Variants in OSBPL3 observed in about 807,000 individuals in gnomAD.
OSBPL3 encodes the protein oxysterol binding protein like 3, also known as oxysterol-binding protein-related protein 3.
In OSBPL3, 65 loss-of-function variants were observed where a neutral mutation model predicts 120.1. The observed-to-expected ratio is 0.54, with a 90% CI of 0.44 to 0.67. The LOEUF (loss-of-function observed/expected upper bound fraction) is 0.67, where lower values mean the gene tolerates loss of function less well. Among genes scored for constraint, OSBPL3 ranks in the 30% least tolerant of loss-of-function variants. The pLI is 0.00. For synonymous variants in OSBPL3, 416 were observed against 402.6 expected, an observed-to-expected ratio of 1.03 and a Z score of -0.40; for missense variants, 1,004 against 1,082.1, an observed-to-expected ratio of 0.93 and a Z score of 1.01.
rs724886 is a variant in OSBPL3 at position 24,922,720 on chromosome 7, T to C, written c.-149-30099A>G. Among the ~76,000 whole-genome samples, 450 of 152,260 alleles carry C rather than the reference T, an allele frequency of 3.0e-3. 2 individuals are homozygous for C. Among genetic ancestry groups the C allele is most frequent in the Middle Eastern group, 0.014 (4 of 294 alleles). On this transcript the variant is annotated intron_variant, in intron 1 of 22. Transcript: ENST00000313367. This position sits in a 1 kb window ranked among gnomAD's most constrained non-coding sequence, Gnocchi z 4.3. ...CTGACCACCTGCTTCACAGCCTTGC[T>C]ATGAACTCTGTTCTTTGCACGTAAT... is the stretch of plus-strand genomic sequence containing the variant.
At chr7:24,825,289 GA>G (rs1438258384) in intron 16 of OSBPL3, among the ~76,000 whole-genome samples, 1 of 152,196 alleles carries the variant, frequency 6.6e-6, no homozygotes, top group Non-Finnish European at 1.5e-5. Flanking sequence ...GCTGGCTGTA[GA>G]AGGAAGGCTT....
chr7:24,904,276 G>C (rs565167360), intron 1 of OSBPL3, among the ~76,000 whole-genome samples: 50 of 152,202 alleles, frequency 3.3e-4, no homozygotes, highest in African/African-American at 1.2e-3. Context: ...GACAGAAAAA[G>C]TACAGTTGAA....
chr7:24,820,204 G>A lies in OSBPL3; in HGVS notation c.1919C>T (p.Ala640Val). 1 of 1,612,478 alleles carries A rather than the reference G, an allele frequency of 6.2e-7. No individual in the cohort carries two copies. Among genetic ancestry groups the A allele is most frequent in the Non-Finnish European group, 8.5e-7 (1 of 1,178,892 alleles). The change falls in exon 17 of 23, where the codon GCT becomes GTT. Residue 640 changes from alanine to valine, a missense_variant. Ala to Val is a moderately conservative substitution (Grantham distance 64). Coordinates refer to ENST00000313367, the MANE Select transcript of OSBPL3 (RefSeq NM_015550.4). The surrounding 1 kb of genome is among the most constrained non-coding windows in gnomAD (Gnocchi z 4.6). The stretch of plus-strand genomic sequence containing the variant: ...CCAGAAAACAAAATTTCTAGACTCA[G>A]CATGACACGCAGAGATAGGCGGATG... ...SHHPPISACH[A>V]ESRNFVFWQD... is the part of the protein sequence containing the mutation.
chr7:24,806,829 T>G lies in OSBPL3; in HGVS notation c.2391A>C (p.Pro797=). ...TAGGTGGCAATAAAGACTTTGATGA[T>G]GGATCCATTTCATTTAATTCCAGCG... ...QFALELNEMD[P]SSKSLLPPTD... Residue 797 remains proline, a synonymous_variant, in exon 21 of 23, where the codon CCA becomes CCC. Coordinates refer to ENST00000313367, the MANE Select transcript of OSBPL3 (RefSeq NM_015550.4). This position sits in a 1 kb window ranked among gnomAD's most constrained non-coding sequence, Gnocchi z 5.2. 1.2e-6 allele frequency: 2 copies of G among 1,613,852 alleles called. No homozygotes were observed. Among genetic ancestry groups the G allele is most frequent in the Non-Finnish European group, 1.7e-6 (2 of 1,179,680 alleles).
In OSBPL3 at chr7:24,962,131, C is replaced by T. The variant is rs376755355; in HGVS notation, c.-150+17755G>A. Among the ~76,000 whole-genome samples the T allele has an allele frequency of 1.1e-3, 167 of 151,592 alleles. 4 individuals carry two copies. Among genetic ancestry groups the T allele is most frequent in the African/African-American group, 3.2e-3 (134 of 41,316 alleles). On this transcript the variant is annotated intron_variant, in intron 1 of 22. Transcript: ENST00000313367. Reference sequence around the variant, plus strand: ...CAGCCTGGCCAACATGGTGAAACACCATCTCTACTAATAATACAAAAATTA... The same window carrying T: ...CAGCCTGGCCAACATGGTGAAACACTATCTCTACTAATAATACAAAAATTA...
rs144600075 is a variant in OSBPL3, at chr7:24,979,741, G to A, written c.-150+145C>T. 5.8e-3 allele frequency: 1,855 copies of A among 321,530 alleles called. 44 individuals carry two copies. Among genetic ancestry groups the A allele is most frequent in the African/African-American group, 0.037 (1,641 of 44,836 alleles). The allele number at this position is 321,530 out of a possible 1,614,324, so 19.9% of individuals were successfully genotyped here. A position where few individuals can be genotyped will look rare whatever the true frequency, so the allele number is the denominator to read the frequency against. ...GCTCCCAGGCTTGGGTCTGCCCCAG[G>A]GCCGGAGCCTCCCCGGGCGACTCGG... is the stretch of plus-strand genomic sequence containing the variant. On this transcript the variant is annotated intron_variant, in intron 1 of 22. Coordinates refer to ENST00000313367, the MANE Select transcript of OSBPL3 (RefSeq NM_015550.4).
intron 13 of OSBPL3, among the ~76,000 whole-genome samples, chr7:24,841,147 A>G (rs1182103631): frequency 6.6e-6 from 1 of 152,190 alleles, no homozygotes. Context: ...TATGGGAATT[A>G]ATACATAAAC....
At chr7:24,944,069 T>A (rs1268000798) in intron 1 of OSBPL3, among the ~76,000 whole-genome samples, 1 of 121,004 alleles carries the variant, frequency 8.3e-6, no homozygotes, top group Non-Finnish European at 1.7e-5. Flanking sequence ...AATTTTCCAG[T>A]CTAAAGTAAA....
intron 1 of OSBPL3, among the ~76,000 whole-genome samples, chr7:24,971,892 A>C (rs1817066683): frequency 6.6e-6 from 1 of 152,188 alleles, no homozygotes; most frequent in African/African-American, 2.4e-5. Context: ...AATAGCTCCA[A>C]CAAGCTCCGA....
rs943915114 is a variant in OSBPL3, at chr7:24,979,930, G to A, written c.-194C>T. On this transcript the variant is annotated 5_prime_UTR_variant, in exon 1 of 23. Coordinates refer to ENST00000313367, the MANE Select transcript of OSBPL3 (RefSeq NM_015550.4). The stretch of plus-strand genomic sequence containing the variant: ...AGACGCTCCCTAGTTCCCCGGGGCC[G>A]GGCTCCGGGGTTAGCGCACAGAACC... 1.4e-5 allele frequency: 14 copies of A among 973,082 alleles called. No homozygotes were observed. In the Admixed American group the frequency reaches 4.1e-4, roughly 29 times the overall value. The allele number at this position is 973,082 out of a possible 1,614,324, so 60.3% of individuals were successfully genotyped here.
intron 22 of OSBPL3, among the ~76,000 whole-genome samples, 185 bp from the exon 23 acceptor site, chr7:24,800,464 T>C (rs1033830947): frequency 6.8e-6 from 1 of 147,362 alleles, no homozygotes; most frequent in Admixed American, 6.7e-5. Flanking sequence ...TTTTTTTTTT[T>C]TTTTTTTTTT....
At chr7:24,859,875 A>G (rs1300895052) in intron 10 of OSBPL3, among the ~76,000 whole-genome samples, 2 of 152,182 alleles carry the variant, frequency 1.3e-5, no homozygotes, top group Admixed American at 1.3e-4. Flanking sequence ...TTTTGAAAAA[A>G]TTCAATCCCC....
intron 12 of OSBPL3, among the ~76,000 whole-genome samples, chr7:24,845,461 ATGTG>A (rs138960641): frequency 7.3e-6 from 1 of 137,040 alleles, no homozygotes; most frequent in Admixed American, 7.4e-5. Flanking sequence ...GTGTGTGTGT[ATGTG>A]TGTGTGTGTG....
Position 24,798,399 on chromosome 7 carries a change from G to C in OSBPL3, c.*1784C>G, listed in dbSNP as rs1157179524. ...TTGAGTGCCCTTAAATCTACAGCCT[G>C]CTTCCTCATGTCTGTGAGCAGAATT... On this transcript the variant is annotated 3_prime_UTR_variant, in exon 23 of 23. Coordinates refer to ENST00000313367, the MANE Select transcript of OSBPL3 (RefSeq NM_015550.4). This position sits in a 1 kb window ranked among gnomAD's most constrained non-coding sequence, Gnocchi z 4.6. 6.6e-6 allele frequency: 1 copy of C among 152,188 alleles called. No individual in the cohort carries two copies. The highest frequency in any genetic ancestry group is 2.4e-5 in the African/African-American group (1 of 41,452). 9.4% of individuals were successfully genotyped at this position (152,188 alleles called of 1,614,324 possible).
chr7:24,882,669 T>C (rs1344345842), intron 2 of OSBPL3, among the ~76,000 whole-genome samples: 1 of 152,244 alleles, frequency 6.6e-6, no homozygotes, highest in African/African-American at 2.4e-5. Flanking sequence ...TGTTTTCTGA[T>C]GAGGCTGTAC....
In OSBPL3 at chr7:24,879,299, T is replaced by A. The variant is rs78815166; in HGVS notation, c.97-7230A>T. 4.8e-3 allele frequency among the ~76,000 whole-genome samples: 738 copies of A among 152,312 alleles called. 2 individuals are homozygous for A. Among genetic ancestry groups the A allele is most frequent in the Non-Finnish European group, 8.0e-3 (542 of 68,022 alleles). On this transcript the variant is annotated intron_variant, in intron 2 of 22. Transcript: ENST00000313367. The surrounding 1 kb of genome is among the most constrained non-coding windows in gnomAD (Gnocchi z 5.6). Reference sequence around the variant, plus strand: ...TAACCTCAAGTACAATCCCTGACTTTGGGATCTAAGTGAGAAGATTAAAGA... The same window carrying A: ...TAACCTCAAGTACAATCCCTGACTTAGGGATCTAAGTGAGAAGATTAAAGA...
chr7:24,800,310 T>G, intron 22 of OSBPL3, 31 bp from the exon 23 acceptor site: 1 of 1,306,044 alleles, frequency 7.7e-7, no homozygotes, highest in Non-Finnish European at 1.1e-6. Context: ...TCTTGCAGAC[T>G]CTTGAAACCA....
In OSBPL3 at chr7:24,933,150, A is replaced by AG. The variant is rs59981869; in HGVS notation, c.-149-40530dup. Among the ~76,000 whole-genome samples the AG allele has an allele frequency of 1.3e-5, 2 of 152,220 alleles. No individual in the cohort carries two copies. Among genetic ancestry groups the AG allele is most frequent in the African/African-American group, 4.8e-5 (2 of 41,450 alleles). ...CCTGCAGAACTGGGACCCAGCTGAG[A>AG]GGGGGGTTCGCTGCTCAAGGTTAAA... On this transcript the variant is annotated intron_variant, in intron 1 of 22. Coordinates refer to ENST00000313367, the MANE Select transcript of OSBPL3 (RefSeq NM_015550.4). This position sits in a 1 kb window ranked among gnomAD's most constrained non-coding sequence, Gnocchi z 5.1.
chr7:24,845,257 T>A (rs999057247), intron 12 of OSBPL3, among the ~76,000 whole-genome samples: 5 of 151,488 alleles, frequency 3.3e-5, no homozygotes, highest in African/African-American at 1.2e-4. Context: ...GGCTGAATAG[T>A]TTTTCCTTTT....
Sources: allele counts gnomAD v4.1 joint callset (sites outside exome capture counted in the v4.1 genomes callset), GRCh38; gene constraint gnomAD v4.1.1; non-coding constraint Gnocchi (gnomAD v3.1); transcripts MANE v1.5; gene names NCBI Gene and HGNC (gene_info 2026-07-23, HGNC 2026-07-21).